Variants in PDS5B observed in about 807,000 individuals in gnomAD.
PDS5B encodes sister chromatid cohesion protein PDS5 homolog B.
PDS5B carries 51 observed loss-of-function variants against 184.1 expected under a neutral mutation model. The ratio of observed to expected loss-of-function variants is 0.28; its 90% CI spans 0.22 to 0.35. The LOEUF (loss-of-function observed/expected upper bound fraction) is 0.35, where lower values mean the gene tolerates loss of function less well. Among genes scored for constraint, PDS5B ranks in the 10% least tolerant of loss-of-function variants. The probability of loss-of-function intolerance (pLI) is 1.00; values close to 1 mark genes in which losing one functional copy is unlikely to be tolerated. For missense variants in PDS5B, 1,180 were observed against 1,723.3 expected, an observed-to-expected ratio of 0.68 and a Z score of 5.58; for synonymous variants, 566 against 569.2, an observed-to-expected ratio of 0.99 and a Z score of 0.08.
chr13:32,599,914 C>G (rs1440626436), intron 1 of PDS5B, among the ~76,000 whole-genome samples: 2 of 151,240 alleles, frequency 1.3e-5, no homozygotes, highest in Admixed American at 6.6e-5. Flanking sequence ...GACTCTGTCT[C>G]AAAAAAAACA....
At chr13:32,607,175 C>T (rs2058072933) in intron 1 of PDS5B, among the ~76,000 whole-genome samples, 6 of 152,200 alleles carry the variant, frequency 3.9e-5, no homozygotes. Flanking sequence ...GCTCTGGTTT[C>T]TCCCCATCTT....
chr13:32,692,414 C>CTTTTTTTTTTTTTTTTTTTTTTTTTTT lies in PDS5B; in HGVS notation c.1470-1809_1470-1808insTTTTTTTTTTTTTTTTTTTTTTTTTTT, dbSNP rs1593440334. ...ATTAAACAAGTTTGCGTCCAAAAAG[C>CTTTTTTTTTTTTTTTTTTTTTTTTTTT]CTTTTTTTTTTTTTTTTTTTTTTTT... On this transcript the variant is annotated intron_variant, in intron 13 of 34. Transcript: ENST00000315596. 2.3e-4 allele frequency among the ~76,000 whole-genome samples: 16 copies of CTTTTTTTTTTTTTTTTTTTTTTTTTTT among 69,124 alleles called. 8 individuals are homozygous for CTTTTTTTTTTTTTTTTTTTTTTTTTTT. The highest frequency in any genetic ancestry group is 1.7e-4 in the Non-Finnish European group (6 of 35,736). 45.3% of individuals were successfully genotyped at this position (69,124 alleles called of 152,430 possible). A position where few individuals can be genotyped will look rare whatever the true frequency, so the allele number is the denominator to read the frequency against.
chr13:32,759,512 T>G (rs1373362501), intron 28 of PDS5B, 116 bp from the exon 29 acceptor site: 1 of 476,286 alleles, frequency 2.1e-6, no homozygotes, highest in Non-Finnish European at 3.7e-6. Flanking sequence ...AAATTTTGTG[T>G]TTCATATGAT....
chr13:32,758,276 A>G (rs1954257992), intron 27 of PDS5B, 57 bp downstream of exon 27: 4 of 1,336,840 alleles, frequency 3.0e-6, no homozygotes, highest in South Asian at 1.6e-5. Context: ...ATTTAGGTGT[A>G]AAGTATGAAA....
chr13:32,594,032 A>G (rs906992626), intron 1 of PDS5B, among the ~76,000 whole-genome samples: 5 of 152,244 alleles, frequency 3.3e-5, no homozygotes, highest in African/African-American at 1.2e-4. Context: ...AGTGATGGAT[A>G]TGTTAATTAC....
rs1349449872 is a variant in PDS5B, at chr13:32,611,357, CTTA to C, written c.-20+24773_-20+24775del. 2.6e-5 allele frequency among the ~76,000 whole-genome samples: 4 copies of C among 152,006 alleles called. No homozygotes were observed. In the East Asian group the frequency reaches 7.7e-4, roughly 29 times the overall value. On this transcript the variant is annotated intron_variant, in intron 1 of 34. Transcript: ENST00000315596. ...TGTTGCTTTTGGTTTAGTTAAGGTC[CTTA>C]TTATTATTTTTTCATTCATTAGTGT...
chr13:32,668,805 T>C (rs1271511561), intron 7 of PDS5B, among the ~76,000 whole-genome samples: 1 of 152,210 alleles, frequency 6.6e-6, no homozygotes, highest in Non-Finnish European at 1.5e-5. Flanking sequence ...AGTCAGTGTA[T>C]GAAATATATC....
chr13:32,715,869 C>T (rs1004363658), intron 19 of PDS5B, among the ~76,000 whole-genome samples: 63 of 152,366 alleles, frequency 4.1e-4, no homozygotes, highest in African/African-American at 1.4e-3. Context: ...CTGTGTTGGC[C>T]GGGCTGGTCT....
At chr13:32,688,348 C>T (rs1258252476) in intron 12 of PDS5B, 108 bp from the exon 13 acceptor site, 8 of 560,120 alleles carry the variant, frequency 1.4e-5, no homozygotes, top group African/African-American at 5.7e-5. Flanking sequence ...CCACTTAGAG[C>T]GGCAGGAACT....
At chr13:32,746,584 T>G (rs1281355343) in intron 24 of PDS5B, among the ~76,000 whole-genome samples, 2 of 152,356 alleles carry the variant, frequency 1.3e-5, no homozygotes, top group African/African-American at 2.4e-5. Context: ...TATCAGAGCC[T>G]TCTTGTGCTT....
At chr13:32,586,738 C>T (rs891836607) in intron 1 of PDS5B, 145 bp downstream of exon 1, 7 of 149,270 alleles carry the variant, frequency 4.7e-5, no homozygotes, top group Admixed American at 2.7e-4. Flanking sequence ...CGCGACTCGC[C>T]TCCCGGCATC....
At chr13:32,752,319 G>A (rs61098895) in intron 24 of PDS5B, among the ~76,000 whole-genome samples, 7,133 of 151,978 alleles carry the variant, frequency 0.047, 476 homozygotes, top group African/African-American at 0.15. Context: ...ATAGAAAAAC[G>A]CGTAATATAT....
intron 1 of PDS5B, among the ~76,000 whole-genome samples, chr13:32,593,084 A>G (rs1325775428): frequency 2.6e-5 from 4 of 152,200 alleles, no homozygotes; most frequent in Non-Finnish European, 4.4e-5. Flanking sequence ...GTCTTCTGTG[A>G]AAAACGCCAA....
At chr13:32,706,326 A>AT (rs1593471390) in intron 17 of PDS5B, among the ~76,000 whole-genome samples, 1 of 151,366 alleles carries the variant, frequency 6.6e-6, no homozygotes, top group East Asian at 1.9e-4. Flanking sequence ...AAATAAATAA[A>AT]ATAACATAAG....
rs909507147 is a variant in PDS5B at position 32,673,169 on chromosome 13, T to C, written c.706-47T>C. ...AAATAAGATTTTAAAACATTCAACTTGTCTCTGGTTTTTCTACTAATGATA... is the reference window on the plus strand; with the variant it reads ...AAATAAGATTTTAAAACATTCAACTCGTCTCTGGTTTTTCTACTAATGATA... On this transcript the variant is annotated intron_variant, in intron 7 of 34. Transcript: ENST00000315596. 2.6e-6 allele frequency: 4 copies of C among 1,526,172 alleles called. No homozygotes were observed. In the African/African-American group the frequency reaches 5.5e-5, roughly 21 times the overall value. The allele number at this position is 1,526,172 out of a possible 1,614,324, so 94.5% of individuals were successfully genotyped here. A position where few individuals can be genotyped will look rare whatever the true frequency, so the allele number is the denominator to read the frequency against.
At chr13:32,709,641 C>G (rs1056311101) in intron 18 of PDS5B, among the ~76,000 whole-genome samples, 3 of 151,984 alleles carry the variant, frequency 2.0e-5, no homozygotes, top group African/African-American at 7.2e-5. Flanking sequence ...CTTTTCTCCT[C>G]TCATTCCCCA....
chr13:32,745,791 A>G (rs916194432), intron 23 of PDS5B, among the ~76,000 whole-genome samples, 186 bp from the exon 24 acceptor site: 3 of 152,044 alleles, frequency 2.0e-5, no homozygotes, highest in Middle Eastern at 3.2e-3. Flanking sequence ...CAAAGGCTCC[A>G]CCTCCTAATA....
In PDS5B at chr13:32,667,753, A is replaced by G; in HGVS notation, c.625-11A>G. The G allele has an allele frequency of 6.5e-7, 1 of 1,539,756 alleles. No individual in the cohort carries two copies. Among genetic ancestry groups the G allele is most frequent in the Non-Finnish European group, 8.9e-7 (1 of 1,127,502 alleles). On this transcript the variant is annotated splice_polypyrimidine_tract_variant and intron_variant, in intron 6 of 34. Coordinates refer to ENST00000315596, the MANE Select transcript of PDS5B (RefSeq NM_015032.4). ...GAGATATATAATATAGATATTGTTT[A>G]TGTTTTTCAGAATTTAAACAAGCAA...
At position 32,758,190 on chromosome 13, in the gene PDS5B, C is replaced by T; in HGVS notation, c.3160C>T (p.Gln1054Ter). 6.5e-7 allele frequency: 1 copy of T among 1,538,214 alleles called. No homozygotes were observed. The change falls in exon 27 of 35, where the codon CAA becomes TAA. Residue 1054 changes from glutamine (Q) to a stop codon, truncating the protein, a stop_gained. Transcript: ENST00000315596. LOFTEE classifies it high-confidence loss of function. ...VENIKQTKDAQGPDDAKMNEK... is the reference protein window; with the variant it reads ...VENIKQTKDA ...AAATATTAAACAAACAAAAGATGCC[C>T]AAGGACCAGATGATGCAAAAATGAA...
Sources: gnomAD v4.1 joint callset for allele counts (sites outside exome capture counted in the v4.1 genomes callset) on GRCh38, gnomAD v4.1.1 for gene constraint, MANE v1.5 for transcripts, NCBI Gene and HGNC (gene_info 2026-07-23, HGNC 2026-07-21) for gene names.